Variants in XKR9 observed in about 807,000 individuals in gnomAD.
XKR9 encodes XK related 9.
A neutral mutation model predicts 32.0 loss-of-function variants in XKR9; 32 were observed. The observed-to-expected ratio is 1.00, with a 90% confidence interval of 0.76 to 1.34. The LOEUF (loss-of-function observed/expected upper bound fraction) is 1.34. XKR9 is among the 40% of genes most tolerant of loss of function. XKR9 has a pLI of 0.00. For synonymous variants in XKR9, 168 were observed against 143.4 expected (o/e 1.17, Z -1.22); for missense variants, 546 against 429.7 (o/e 1.27, Z -2.39).
the XKR9 span, among the ~76,000 whole-genome samples, chr8:70,932,776 T>C: frequency 6.6e-5 from 10 of 152,120 alleles, no homozygotes; most frequent in Admixed American, 6.6e-4. Flanking sequence ...TCAGTCCCTT[T>C]GGATTAGGGC....
chr8:70,714,546 T>C (rs936850068), intron 4 of XKR9, among the ~76,000 whole-genome samples: 1 of 152,112 alleles, frequency 6.6e-6, no homozygotes, highest in African/African-American at 2.4e-5. Context: ...GGAATTTGGT[T>C]TTTATTTAAA....
At chr8:70,982,740 T>C in the XKR9 span, among the ~76,000 whole-genome samples, 23 of 152,158 alleles carry the variant, frequency 1.5e-4, no homozygotes, top group Non-Finnish European at 2.8e-4. Flanking sequence ...CTGCCGTAGT[T>C]CTTAGAGCAA....
the XKR9 span, among the ~76,000 whole-genome samples, chr8:70,917,653 T>A: frequency 1.3e-5 from 2 of 152,258 alleles, no homozygotes; most frequent in African/African-American, 4.8e-5. Flanking sequence ...TGGCTGAATC[T>A]ATTCAGCTTT....
chr8:71,054,659 G>A, the XKR9 span, among the ~76,000 whole-genome samples: 7 of 152,256 alleles, frequency 4.6e-5, no homozygotes, highest in East Asian at 1.2e-3. Flanking sequence ...TAAGGTCCCA[G>A]GGGCATTTTA....
chr8:70,779,578 T>C (rs998836703), intron 2 of XKR9, among the ~76,000 whole-genome samples: 1 of 152,192 alleles, frequency 6.6e-6, no homozygotes, highest in Admixed American at 6.5e-5. Flanking sequence ...TGAATCCGTC[T>C]GGACCTGGGC....
At chr8:70,939,668 A>G in the XKR9 span, among the ~76,000 whole-genome samples, 1 of 152,026 alleles carries the variant, frequency 6.6e-6, no homozygotes, top group African/African-American at 2.4e-5. Flanking sequence ...AATTGTAGTA[A>G]TCAATACAAT....
At chr8:70,784,600 G>A (rs1394039486) in intron 2 of XKR9, among the ~76,000 whole-genome samples, 1 of 151,726 alleles carries the variant, frequency 6.6e-6, no homozygotes, top group African/African-American at 2.4e-5. Flanking sequence ...TTTATTGGTA[G>A]AGTATGTAGG....
chr8:71,065,727 C>T, the XKR9 span, among the ~76,000 whole-genome samples: 2 of 152,150 alleles, frequency 1.3e-5, no homozygotes, highest in Non-Finnish European at 2.9e-5. Context: ...GTGATCTTGT[C>T]TTGGGCAAGC....
At chr8:70,936,937 T>C in the XKR9 span, among the ~76,000 whole-genome samples, 1 of 152,080 alleles carries the variant, frequency 6.6e-6, no homozygotes, top group African/African-American at 2.4e-5. Flanking sequence ...TTGGAGTAAT[T>C]ATTTTACAAA....
chr8:70,737,485 G>T (rs1469420714), downstream of XKR9, among the ~76,000 whole-genome samples: 2 of 138,772 alleles, frequency 1.4e-5, no homozygotes, highest in East Asian at 2.0e-4. Flanking sequence ...AATTGCCCTG[G>T]CCAGAACTTC....
intron 3 of XKR9, among the ~76,000 whole-genome samples, chr8:70,697,616 G>A (rs1805332685): frequency 6.7e-6 from 1 of 149,900 alleles, no homozygotes; most frequent in East Asian, 1.9e-4. Context: ...TTGCATCAAT[G>A]TTCATCAAGG....
At chr8:70,805,655 C>T in the XKR9 span, among the ~76,000 whole-genome samples, 1 of 152,226 alleles carries the variant, frequency 6.6e-6, no homozygotes, top group South Asian at 2.1e-4. Context: ...GCCAGAGTGC[C>T]TCTTCAGGCG....
downstream of XKR9, among the ~76,000 whole-genome samples, chr8:70,739,114 T>G (rs1208610512): frequency 6.6e-6 from 1 of 152,050 alleles, no homozygotes; most frequent in Non-Finnish European, 1.5e-5. Flanking sequence ...AGTCTGTTTG[T>G]AGGTCACTCA....
chr8:71,054,252 TA>T, the XKR9 span, among the ~76,000 whole-genome samples: 37 of 149,458 alleles, frequency 2.5e-4, no homozygotes, highest in East Asian at 5.8e-4. Flanking sequence ...AGTCTGAAGG[TA>T]AAAAAAAAAT....
the XKR9 span, among the ~76,000 whole-genome samples, chr8:70,812,671 A>G: frequency 4.6e-5 from 7 of 152,226 alleles, no homozygotes; most frequent in East Asian, 1.9e-4. Context: ...GAGCCAAATC[A>G]TGAGTGAACT....
the XKR9 span, among the ~76,000 whole-genome samples, chr8:70,830,232 G>C: frequency 1.3e-5 from 2 of 152,238 alleles, no homozygotes; most frequent in African/African-American, 4.8e-5. Context: ...ATGTAGTGAA[G>C]AGAATTCTTT....
At chr8:70,821,333 A>T in the XKR9 span, among the ~76,000 whole-genome samples, 4 of 152,228 alleles carry the variant, frequency 2.6e-5, no homozygotes, top group African/African-American at 7.2e-5. Flanking sequence ...TGCAGGGTAC[A>T]GCCCCTGTCC....
At chr8:70,901,758 T>G in the XKR9 span, among the ~76,000 whole-genome samples, 1 of 152,206 alleles carries the variant, frequency 6.6e-6, no homozygotes, top group Non-Finnish European at 1.5e-5. Context: ...TGAATGGTAT[T>G]GCCTAGGTTC....
chr8:70,811,203 C>G, the XKR9 span, among the ~76,000 whole-genome samples: 2 of 151,938 alleles, frequency 1.3e-5, no homozygotes, highest in Non-Finnish European at 2.9e-5. Context: ...GGGTACATAA[C>G]GAAATGAAGG....
Sources: allele counts gnomAD v4.1 joint callset (sites outside exome capture counted in the v4.1 genomes callset), GRCh38; gene constraint gnomAD v4.1.1; transcripts MANE v1.5; gene names NCBI Gene and HGNC (gene_info 2026-07-23, HGNC 2026-07-21).